The following DMRT1 variants were observed in gnomAD, a reference collection of about 807,000 sequenced individuals.
DMRT1 encodes doublesex and mab-3 related transcription factor 1, also known as doublesex- and mab-3-related transcription factor 1.
DMRT1 carries 7 observed loss-of-function variants against 32.3 expected under a neutral mutation model. The observed-to-expected ratio is 0.22, with a 90% CI of 0.12 to 0.41. The LOEUF (loss-of-function observed/expected upper bound fraction) is 0.41, where lower values mean the gene tolerates loss of function less well. DMRT1 is among the 10% of genes least tolerant of loss of function. The pLI, the probability that DMRT1 is intolerant of heterozygous loss-of-function variation, is 1.00. For missense variants in DMRT1, 625 were observed against 500.5 expected, an observed-to-expected ratio of 1.25 and a Z score of -2.37; for synonymous variants, 278 against 206.1, an observed-to-expected ratio of 1.35 and a Z score of -2.99.
intron 3 of DMRT1, among the ~76,000 whole-genome samples, chr9:899,855 G>C (rs1817504904): frequency 6.6e-6 from 1 of 152,228 alleles, no homozygotes; most frequent in African/African-American, 2.4e-5. Context: ...CCTCTTGACT[G>C]CTTTTCCAAA....
At chr9:842,535 G>T (rs938730037) in intron 1 of DMRT1, among the ~76,000 whole-genome samples, 66 of 151,664 alleles carry the variant, frequency 4.4e-4, no homozygotes, top group African/African-American at 1.5e-3. Context: ...CGCTCCCGGC[G>T]GGGCCCGAGT....
At chr9:880,075 C>G (rs13300588) in intron 2 of DMRT1, among the ~76,000 whole-genome samples, 1 of 152,198 alleles carries the variant, frequency 6.6e-6, no homozygotes, top group African/African-American at 2.4e-5. Flanking sequence ...CTTGAAGTGA[C>G]AGGCTCACTT....
At chr9:843,979 G>C (rs905270695) in intron 1 of DMRT1, among the ~76,000 whole-genome samples, 1 of 144,176 alleles carries the variant, frequency 6.9e-6, no homozygotes, top group Non-Finnish European at 1.5e-5. Context: ...ATCACAATGA[G>C]TTTACTGAAA....
chr9:927,945 C>T (rs542484791), intron 4 of DMRT1, among the ~76,000 whole-genome samples: 1 of 152,182 alleles, frequency 6.6e-6, no homozygotes, highest in East Asian at 1.9e-4. Context: ...AGAGGAGAAA[C>T]CCATACAACT....
rs73378427 is a variant in DMRT1 at position 897,987 on chromosome 9, C to G, written c.822+3792C>G. On this transcript the variant is annotated intron_variant, in intron 3 of 4. Transcript: ENST00000382276. ...GATAATGGTGCAAAATGCGTTAAGA[C>G]ATAGATGTTATAAAGAAGTATTAAA... 5.1e-3 allele frequency among the ~76,000 whole-genome samples: 781 copies of G among 152,226 alleles called. 12 individuals are homozygous for G. The highest frequency in any genetic ancestry group is 0.018 in the African/African-American group (740 of 41,518).
chr9:886,380 T>A (rs892997176), intron 2 of DMRT1, among the ~76,000 whole-genome samples: 2 of 152,162 alleles, frequency 1.3e-5, no homozygotes, highest in African/African-American at 4.8e-5. Context: ...CTCAGCCTTC[T>A]GAGTAGCTGG....
At chr9:868,388 G>A (rs1050626681) in intron 2 of DMRT1, among the ~76,000 whole-genome samples, 1 of 152,128 alleles carries the variant, frequency 6.6e-6, no homozygotes, top group Non-Finnish European at 1.5e-5. Context: ...ATAATATCCG[G>A]TGTATTGATG....
chr9:895,528 A>G (rs1421487290), intron 3 of DMRT1, among the ~76,000 whole-genome samples: 2 of 152,190 alleles, frequency 1.3e-5, no homozygotes, highest in East Asian at 1.9e-4. Flanking sequence ...TCACTTTCCC[A>G]GCTTTATTGA....
chr9:916,980 T>C, intron 4 of DMRT1, 73 bp downstream of exon 4: 1 of 1,494,704 alleles, frequency 6.7e-7, no homozygotes. Flanking sequence ...TCATTAGCTG[T>C]GTCTAATGGC....
chr9:864,790 G>C (rs186227398), intron 2 of DMRT1, among the ~76,000 whole-genome samples: 5 of 152,134 alleles, frequency 3.3e-5, no homozygotes, highest in African/African-American at 9.6e-5. Flanking sequence ...GTGAGCCACC[G>C]TGCCCGCCAG....
chr9:935,790 A>G (rs1818866933), intron 4 of DMRT1, among the ~76,000 whole-genome samples: 1 of 152,240 alleles, frequency 6.6e-6, no homozygotes, highest in East Asian at 1.9e-4. Flanking sequence ...TCTTTTGAGT[A>G]TAAATGACTT....
rs1410631980 is a variant in DMRT1 at position 967,999 on chromosome 9, A to T, written c.982A>T (p.Ser328Cys). 2 of 1,613,784 alleles carry T rather than the reference A, an allele frequency of 1.2e-6. No homozygotes were observed. Among genetic ancestry groups the T allele is most frequent in the South Asian group, 1.1e-5 (1 of 91,066 alleles). Residue 328 changes from serine (S) to cysteine (C), a missense_variant, in exon 5 of 5, where the codon AGC becomes TGC. Around this residue, in one of 3 missense-constraint regions of DMRT1, gnomAD observed 416 missense variants for 321.6 expected, o/e 1.29. Transcript: ENST00000382276. Reference protein sequence around the residue: ...EARASVFSPPSSQDSGLVSLS... With the variant: ...EARASVFSPPCSQDSGLVSLS... ...TCACTTCGCAGTATTCTCGCCGCCC[A>T]GCAGTCAAGATTCTGGCTTGGTTTC... is the stretch of plus-strand genomic sequence containing the variant.
intron 3 of DMRT1, among the ~76,000 whole-genome samples, chr9:897,774 T>C (rs553537968): frequency 6.1e-4 from 93 of 152,256 alleles, no homozygotes; most frequent in African/African-American, 2.1e-3. Flanking sequence ...TGTTCATATG[T>C]ATTTTCGTTA....
intron 4 of DMRT1, among the ~76,000 whole-genome samples, chr9:946,725 C>T (rs1819258410): frequency 6.6e-6 from 1 of 152,160 alleles, no homozygotes. Context: ...GCCATTCCAC[C>T]CTGCACTCTT....
chr9:902,507 G>A lies in DMRT1; in HGVS notation c.822+8312G>A, dbSNP rs1393684065. Among the ~76,000 whole-genome samples, 5 of 146,106 alleles carry A rather than the reference G, an allele frequency of 3.4e-5. No individual in the cohort carries two copies. The East Asian group carries it at 8.0e-4, about 23-fold the overall frequency. The stretch of plus-strand genomic sequence containing the variant: ...TCCCACCACATTTTTTTTTTTTTTA[G>A]ATGGAGTCTTGCTGTCTTGCCCAGG... On this transcript the variant is annotated intron_variant, in intron 3 of 4. Coordinates refer to ENST00000382276, the MANE Select transcript of DMRT1 (RefSeq NM_021951.3).
chr9:891,403 A>G (rs535805216), intron 2 of DMRT1, among the ~76,000 whole-genome samples: 2 of 152,034 alleles, frequency 1.3e-5, no homozygotes, highest in Admixed American at 6.5e-5. Flanking sequence ...GTGAGCCGAG[A>G]TCGTACCACT....
intron 4 of DMRT1, among the ~76,000 whole-genome samples, chr9:954,849 C>T (rs1819546477): frequency 1.3e-5 from 2 of 151,994 alleles, no homozygotes; most frequent in Admixed American, 6.6e-5. Context: ...ACCATGTTGG[C>T]CAGGCTGGTC....
chr9:964,757 G>A (rs1335187524), intron 4 of DMRT1, among the ~76,000 whole-genome samples: 1 of 151,952 alleles, frequency 6.6e-6, no homozygotes, highest in African/African-American at 2.4e-5. Flanking sequence ...CCTTTCTTCG[G>A]GGTTATTCCC....
At chr9:852,565 G>T (rs1815198805) in intron 2 of DMRT1, among the ~76,000 whole-genome samples, 1 of 152,154 alleles carries the variant, frequency 6.6e-6, no homozygotes. Context: ...GCAAAGGTCT[G>T]CATAGTTCTC....
Sources: allele counts gnomAD v4.1 joint callset (sites outside exome capture counted in the v4.1 genomes callset), GRCh38; gene constraint gnomAD v4.1.1; regional missense constraint gnomAD v4.1.1; transcripts MANE v1.5; gene names NCBI Gene and HGNC (gene_info 2026-07-23, HGNC 2026-07-21).